DENND1A: variants seen among roughly 807,000 people sequenced by gnomAD.
DENND1A encodes DENN domain containing 1A, also known as DENN domain-containing protein 1A.
DENND1A carries 51 observed loss-of-function variants against 113.7 expected under a neutral mutation model. That is an observed-to-expected ratio of 0.45 (90% confidence interval 0.36 to 0.57). The LOEUF (loss-of-function observed/expected upper bound fraction) is 0.57. Among genes scored for constraint, DENND1A ranks in the 20% least tolerant of loss-of-function variants. DENND1A has a pLI of 0.00. For synonymous variants in DENND1A, 565 were observed against 570.8 expected (o/e 0.99, Z 0.14); for missense variants, 1,258 against 1,395.9 (o/e 0.90, Z 1.57).
intron 5 of DENND1A, among the ~76,000 whole-genome samples, chr9:123,705,595 GA>G (rs920067567): frequency 1.3e-5 from 2 of 151,898 alleles, no homozygotes; most frequent in Admixed American, 6.5e-5. Flanking sequence ...GTCCTTAGGG[GA>G]AAAAAATGAA....
chr9:123,868,549 T>C (rs1846102737), intron 2 of DENND1A, among the ~76,000 whole-genome samples: 1 of 152,148 alleles, frequency 6.6e-6, no homozygotes, highest in Non-Finnish European at 1.5e-5. Flanking sequence ...GGCTCTGAGA[T>C]TGGCATGTGG....
At chr9:123,770,452 A>G (rs1829545416) in intron 3 of DENND1A, among the ~76,000 whole-genome samples, 1 of 152,194 alleles carries the variant, frequency 6.6e-6, no homozygotes, top group South Asian at 2.1e-4. Context: ...TAAAAGACAC[A>G]TTTCATATAT....
At chr9:123,497,214 G>T (rs1351479105) in intron 13 of DENND1A, among the ~76,000 whole-genome samples, 1 of 152,232 alleles carries the variant, frequency 6.6e-6, no homozygotes, top group Non-Finnish European at 1.5e-5. Flanking sequence ...TGCACATTTA[G>T]AACTTAGGGA....
chr9:123,488,644 T>A (rs2051094029), intron 13 of DENND1A, among the ~76,000 whole-genome samples: 1 of 152,200 alleles, frequency 6.6e-6, no homozygotes, highest in South Asian at 2.1e-4. Context: ...TCCACGTCCC[T>A]GGACTAGAGA....
At chr9:123,807,005 A>G (rs1390075670) in intron 2 of DENND1A, among the ~76,000 whole-genome samples, 1 of 152,162 alleles carries the variant, frequency 6.6e-6, no homozygotes, top group Non-Finnish European at 1.5e-5. Context: ...AAATTGAAAG[A>G]GTGTTAATAA....
chr9:123,394,085 G>A (rs551520722), intron 21 of DENND1A, among the ~76,000 whole-genome samples: 2 of 152,016 alleles, frequency 1.3e-5, no homozygotes, highest in African/African-American at 4.8e-5. Flanking sequence ...TCCGCCTCAT[G>A]TGTTCAAGCG....
intron 19 of DENND1A, among the ~76,000 whole-genome samples, chr9:123,421,627 C>A (rs1295320180): frequency 2.0e-5 from 3 of 152,176 alleles, no homozygotes; most frequent in African/African-American, 7.2e-5. Flanking sequence ...AGGACCAGGG[C>A]CAGCTCAGCA....
intron 10 of DENND1A, among the ~76,000 whole-genome samples, chr9:123,628,937 C>T (rs374201606): frequency 6.2e-4 from 94 of 152,308 alleles, no homozygotes; most frequent in African/African-American, 2.2e-3. Flanking sequence ...GAGAATCAGG[C>T]CCATTCACTT....
At chr9:123,551,393 G>T (rs181981256) in intron 13 of DENND1A, among the ~76,000 whole-genome samples, 4 of 152,142 alleles carry the variant, frequency 2.6e-5, no homozygotes, top group East Asian at 1.9e-4. Context: ...ACCTACACAC[G>T]GTGCCACGAC....
intron 5 of DENND1A, among the ~76,000 whole-genome samples, chr9:123,682,753 AC>A (rs2064553571): frequency 6.6e-6 from 1 of 152,108 alleles, no homozygotes; most frequent in African/African-American, 2.4e-5. Flanking sequence ...GAAAAGATAT[AC>A]ACCACCTGCT....
chr9:123,520,747 A>C (rs2054327651), intron 13 of DENND1A, among the ~76,000 whole-genome samples: 1 of 152,248 alleles, frequency 6.6e-6, no homozygotes, highest in Non-Finnish European at 1.5e-5. Flanking sequence ...TAATCATTTC[A>C]GCCAGATTTC....
chr9:123,801,188 C>T (rs1834600095), intron 2 of DENND1A, among the ~76,000 whole-genome samples: 1 of 152,158 alleles, frequency 6.6e-6, no homozygotes, highest in South Asian at 2.1e-4. Context: ...ACTATTTTGA[C>T]CATCTTTAAG....
chr9:123,388,316 G>A (rs755519469), intron 21 of DENND1A, among the ~76,000 whole-genome samples: 19 of 152,110 alleles, frequency 1.2e-4, no homozygotes, highest in Non-Finnish European at 2.8e-4. Flanking sequence ...ATCTGCTTAT[G>A]GAAAAATTCA....
At chr9:123,858,089 A>T (rs1247474340) in intron 2 of DENND1A, among the ~76,000 whole-genome samples, 1 of 152,048 alleles carries the variant, frequency 6.6e-6, no homozygotes, top group Non-Finnish European at 1.5e-5. Flanking sequence ...AAAGAAAGAA[A>T]GAAACATTAA....
At chr9:123,449,096 T>TA (rs906019550) in intron 18 of DENND1A, among the ~76,000 whole-genome samples, 2 of 152,210 alleles carry the variant, frequency 1.3e-5, no homozygotes, top group African/African-American at 4.8e-5. Context: ...CTGGCTCTGC[T>TA]AGGCTCAAGG....
intron 12 of DENND1A, among the ~76,000 whole-genome samples, chr9:123,582,890 G>T (rs562964456): frequency 4.8e-5 from 7 of 145,660 alleles, no homozygotes; most frequent in Non-Finnish European, 1.0e-4. Context: ...GTAGAAACAG[G>T]GTTTCACCAT....
intron 5 of DENND1A, among the ~76,000 whole-genome samples, chr9:123,728,506 A>AAAAAAAAACACAAAAAAAC (rs1564150268): frequency 2.1e-5 from 3 of 145,814 alleles, no homozygotes; most frequent in African/African-American, 8.1e-5. Flanking sequence ...AAAAAAAAAA[A>AAAAAAAAACACAAAAAAAC]AAAACAGGCA....
intron 2 of DENND1A, among the ~76,000 whole-genome samples, chr9:123,793,675 A>G (rs778171483): frequency 1.3e-5 from 2 of 152,178 alleles, no homozygotes. Flanking sequence ...AATCCACGTA[A>G]AAGTTCACTG....
rs368426303 is a variant in DENND1A at position 123,551,555 on chromosome 9, C to T, written c.993+6015G>A. On this transcript the variant is annotated intron_variant, in intron 13 of 23. Coordinates refer to ENST00000394215, the MANE Select transcript of DENND1A (RefSeq NM_001352964.2). ...CCTAGGAATCACTGCAGCCTTCGCTCCATCCCCTGTGTGTAAAGGGCTAGT... is the reference window on the plus strand; with the variant it reads ...CCTAGGAATCACTGCAGCCTTCGCTTCATCCCCTGTGTGTAAAGGGCTAGT... 2.4e-4 allele frequency among the ~76,000 whole-genome samples: 36 copies of T among 152,276 alleles called. No individual in the cohort carries two copies. In the East Asian group the frequency reaches 3.3e-3, roughly 14 times the overall value.
Sources: gnomAD v4.1 joint callset for allele counts (sites outside exome capture counted in the v4.1 genomes callset) on GRCh38, gnomAD v4.1.1 for gene constraint, MANE v1.5 for transcripts, NCBI Gene and HGNC (gene_info 2026-07-23, HGNC 2026-07-21) for gene names.